The following DHX37 variants were observed in gnomAD, a reference collection of about 807,000 sequenced individuals.
DHX37 encodes probable ATP-dependent RNA helicase DHX37.
DHX37 carries 52 observed loss-of-function variants against 134.3 expected under a neutral mutation model. The ratio of observed to expected loss-of-function variants is 0.39; its 90% CI spans 0.31 to 0.49. DHX37 has a LOEUF of 0.49. DHX37 is among the 20% of genes least tolerant of loss of function. The pLI is 0.93. For synonymous variants in DHX37, 634 were observed against 670.7 expected (o/e 0.95, Z 0.85); for missense variants, 1,344 against 1,580.8 (o/e 0.85, Z 2.54).
intron 8 of DHX37, 60 bp from the exon 9 acceptor site, chr12:124,969,028 G>A: frequency 1.3e-6 from 2 of 1,543,896 alleles, no homozygotes; most frequent in Non-Finnish European, 1.8e-6. Context: ...CTGAAGCCTG[G>A]GAAATCGGCA....
Position 124,986,075 on chromosome 12 carries a change from C to A in DHX37, c.276+21G>T, listed in dbSNP as rs369486295. On this transcript the variant is annotated intron_variant, in intron 2 of 26. Transcript: ENST00000308736. ...TCTATGCTGGAGAGCCACTTGCAGACCCTGCCCGAGTGGGGTGTACCTGGC... is the reference window on the plus strand; with the variant it reads ...TCTATGCTGGAGAGCCACTTGCAGAACCTGCCCGAGTGGGGTGTACCTGGC... The A allele has an allele frequency of 1.4e-5, 23 of 1,612,436 alleles. No homozygotes were observed. In the East Asian group the frequency reaches 3.3e-4, roughly 23 times the overall value.
chr12:124,948,248 G>A (rs550268872), intron 25 of DHX37, 67 bp from the exon 26 acceptor site: 22 of 1,555,802 alleles, frequency 1.4e-5, no homozygotes, highest in South Asian at 1.3e-4. Flanking sequence ...CTGGGGGCCC[G>A]AAAGCAGGGC....
intron 1 of DHX37, 70 bp downstream of exon 1, chr12:124,988,847 G>C: frequency 9.9e-7 from 1 of 1,014,322 alleles, no homozygotes; most frequent in East Asian, 3.0e-5. Flanking sequence ...CCACCCGAGA[G>C]TCCTGAAGGC....
At position 124,968,862 on chromosome 12, in the gene DHX37, G is replaced by T. The variant is rs1321875084; in HGVS notation, c.1293+5C>A. ...GCTCACAGAGGACATGGGACCCTGTGTTACCTTGATGACCGGCGGCGGCTT... is the reference window on the plus strand; with the variant it reads ...GCTCACAGAGGACATGGGACCCTGTTTTACCTTGATGACCGGCGGCGGCTT... On this transcript the variant is annotated splice_donor_5th_base_variant and intron_variant, in intron 9 of 26. Transcript: ENST00000308736. The T allele has an allele frequency of 6.2e-7, 1 of 1,614,052 alleles. No individual in the cohort carries two copies. Among genetic ancestry groups the T allele is most frequent in the East Asian group, 2.2e-5 (1 of 44,892 alleles).
Position 124,989,024 on chromosome 12 carries a change from G to A in DHX37, c.-2C>T, listed in dbSNP as rs762376312. On this transcript the variant is annotated 5_prime_UTR_variant, in exon 1 of 27. Transcript: ENST00000308736. The stretch of plus-strand genomic sequence containing the variant: ...GTAGCGCCGGCGCAGCTTCCCCATG[G>A]CGACTAGGCCAGGGTGGGCGCTCCA... 4 of 1,367,626 alleles carry A rather than the reference G, an allele frequency of 2.9e-6. No homozygotes were observed. The South Asian group carries it at 8.2e-5, about 28-fold the overall frequency. The allele number at this position is 1,367,626 out of a possible 1,614,324, so 84.7% of individuals were successfully genotyped here. A position where few individuals can be genotyped will look rare whatever the true frequency, so the allele number is the denominator to read the frequency against.
chr12:124,984,436 G>A (rs1361385067), intron 2 of DHX37, among the ~76,000 whole-genome samples: 2 of 152,140 alleles, frequency 1.3e-5, no homozygotes, highest in Non-Finnish European at 2.9e-5. Context: ...GGGAGGCTGA[G>A]GCAGGAGAAT....
chr12:124,984,997 A>G (rs904393233), intron 2 of DHX37, among the ~76,000 whole-genome samples: 1 of 152,146 alleles, frequency 6.6e-6, no homozygotes, highest in Admixed American at 6.5e-5. Flanking sequence ...GGCCGAGGGA[A>G]GAGGGAGGCA....
Position 124,952,471 on chromosome 12 carries a change from C to A in DHX37, c.2795G>T (p.Gly932Val). 1.2e-6 allele frequency: 2 copies of A among 1,611,588 alleles called. No homozygotes were observed. The highest frequency in any genetic ancestry group is 1.7e-6 in the Non-Finnish European group (2 of 1,179,170). ...VTYLRQIVTA[G>V]LGDHLARRVQ... Reference sequence around the variant, plus strand: ...CCTGCGGGCCAAGTGGTCCCCCAGGCCTGCCGTCACGATCTGTCGCAGGTA... The same window carrying A: ...CCTGCGGGCCAAGTGGTCCCCCAGGACTGCCGTCACGATCTGTCGCAGGTA... Residue 932 changes from glycine (G) to valine (V), a missense_variant, in exon 21 of 27, where the codon GGC becomes GTC. This residue lies in a region of DHX37 where 558 missense variants were observed against 650.0 expected (regional missense o/e 0.86). Transcript: ENST00000308736.
intron 10 of DHX37, 97 bp from the exon 11 acceptor site, chr12:124,967,315 C>G (rs542279686): frequency 7.4e-7 from 1 of 1,352,198 alleles, no homozygotes. Flanking sequence ...AGGCAAGGTT[C>G]CAGGGATAAT....
chr12:124,984,261 A>G (rs942247533), intron 2 of DHX37, among the ~76,000 whole-genome samples: 11 of 152,354 alleles, frequency 7.2e-5, no homozygotes, highest in African/African-American at 2.6e-4. Flanking sequence ...GGCTGGGCGC[A>G]GTGGCTCACG....
chr12:124,986,124 A>G lies in DHX37; in HGVS notation c.248T>C (p.Ile83Thr). The change falls in exon 2 of 27, where the codon ATC becomes ACC. Residue 83 changes from isoleucine (I) to threonine (T), a missense_variant. Transcript: ENST00000308736. ...GCTCTTTTTCTCCTTCTGTTCTAAG[A>G]TTTTCTGCAGCACTTTCTTCTCCTT... is the stretch of plus-strand genomic sequence containing the variant. ...TKKEKKVLQK[I>T]LEQKEKKSQR... 1 of 1,613,818 alleles carries G rather than the reference A, an allele frequency of 6.2e-7. No individual in the cohort carries two copies. The highest frequency in any genetic ancestry group is 1.3e-5 in the African/African-American group (1 of 74,908).
chr12:124,971,413 G>C lies in DHX37; in HGVS notation c.1080C>G (p.Asp360Glu). ...CCACCTTGTACCGCAGCAGCAGGAA[G>C]TCCTGGGGGGAGGTCCGGGGTGAGG... Reference protein sequence around the residue: ...DGVLLKEIQKDFLLLRYKVVI... With the variant: ...DGVLLKEIQKEFLLLRYKVVI... Residue 360 changes from aspartate to glutamate, a missense_variant and splice_region_variant, in exon 8 of 27, where the codon GAC becomes GAG. This residue lies in a region of DHX37 where 30 missense variants were observed against 72.5 expected (regional missense o/e 0.41). Coordinates refer to ENST00000308736, the MANE Select transcript of DHX37 (RefSeq NM_032656.4). The C allele has an allele frequency of 1.2e-6, 2 of 1,613,076 alleles. No homozygotes were observed. Among genetic ancestry groups the C allele is most frequent in the Non-Finnish European group, 1.7e-6 (2 of 1,179,946 alleles).
At chr12:124,952,746 C>G in intron 20 of DHX37, 176 bp from the exon 21 acceptor site, 1 of 523,762 alleles carries the variant, frequency 1.9e-6, no homozygotes, top group Non-Finnish European at 3.0e-6. Flanking sequence ...AGGATTGCAG[C>G]CGCCCCCCCA....
At chr12:124,977,045 CAAAA>C (rs368454437) in intron 5 of DHX37, among the ~76,000 whole-genome samples, 1 of 122,854 alleles carries the variant, frequency 8.1e-6, no homozygotes, top group Non-Finnish European at 1.7e-5. Flanking sequence ...GACGCTGTCT[CAAAA>C]AAAAAAAAAA....
Position 124,968,904 on chromosome 12 carries a change from T to C in DHX37, c.1256A>G (p.Asn419Ser). 2 of 1,614,026 alleles carry C rather than the reference T, an allele frequency of 1.2e-6. No individual in the cohort carries two copies. The highest frequency in any genetic ancestry group is 1.7e-6 in the Non-Finnish European group (2 of 1,180,014). The change falls in exon 9 of 27, where the codon AAC (asparagine) becomes AGC (serine). Residue 419 changes from asparagine to serine, a missense_variant. Asn to Ser is a conservative substitution (Grantham distance 46, BLOSUM62 1). Around this residue, in one of 7 missense-constraint regions of DHX37, gnomAD observed 289 missense variants for 323.8 expected, o/e 0.89. Coordinates refer to ENST00000308736, the MANE Select transcript of DHX37 (RefSeq NM_032656.4). Reference protein sequence around the residue: ...ATLRVEDFTQNPRLFAKPPPV... With the variant: ...ATLRVEDFTQSPRLFAKPPPV... ...CGGCGGCTTGGCGAAGAGCCGTGGG[T>C]TCTGGGTGAAGTCCTCCACCCGCAG... is the stretch of plus-strand genomic sequence containing the variant.
chr12:124,960,053 G>A (rs1954199292), intron 16 of DHX37, among the ~76,000 whole-genome samples: 1 of 152,216 alleles, frequency 6.6e-6, no homozygotes, highest in Non-Finnish European at 1.5e-5. Flanking sequence ...CCCCACGGAC[G>A]GATAGTACAT....
Position 124,950,013 on chromosome 12 carries a change from G to C in DHX37, c.3263C>G (p.Pro1088Arg). The change falls in exon 25 of 27, where the codon CCC (proline) becomes CGC (arginine). Residue 1088 changes from proline (P) to arginine (R), a missense_variant. Pro to Arg is a moderately radical substitution (Grantham distance 103, BLOSUM62 -2). This residue lies in a region of DHX37 where 558 missense variants were observed against 650.0 expected (regional missense o/e 0.86). Coordinates refer to ENST00000308736, the MANE Select transcript of DHX37 (RefSeq NM_032656.4). ...GGCCCACGTCTTCAGCATGGTGCCG[G>C]GGCTGGACAGCAGACAGCTCCGGTA... ...ASYRSCLLSS[P>R]GTMLKTWARL... The C allele has an allele frequency of 6.2e-7, 1 of 1,612,754 alleles. No individual in the cohort carries two copies. Among genetic ancestry groups the C allele is most frequent in the Non-Finnish European group, 8.5e-7 (1 of 1,179,442 alleles).
chr12:124,986,710 C>CA (rs1230013452), intron 1 of DHX37, among the ~76,000 whole-genome samples: 12 of 151,066 alleles, frequency 7.9e-5, no homozygotes, highest in African/African-American at 2.9e-4. Flanking sequence ...GACTCCATCT[C>CA]AAAAAAAAGA....
chr12:124,970,908 G>A (rs1477036452), intron 8 of DHX37, among the ~76,000 whole-genome samples: 1 of 152,230 alleles, frequency 6.6e-6, no homozygotes, highest in East Asian at 1.9e-4. Flanking sequence ...GCCCTGGGGA[G>A]CCCCTCTCAG....
Sources: allele counts gnomAD v4.1 joint callset (sites outside exome capture counted in the v4.1 genomes callset), GRCh38; gene constraint gnomAD v4.1.1; regional missense constraint gnomAD v4.1.1; transcripts MANE v1.5; gene names NCBI Gene and HGNC (gene_info 2026-07-23, HGNC 2026-07-21).